The following ABCB4 variants were observed in gnomAD, a reference collection of about 807,000 sequenced individuals.
ABCB4 encodes phosphatidylcholine translocator ABCB4.
A neutral mutation model predicts 145.7 loss-of-function variants in ABCB4; 76 were observed. That is an observed-to-expected ratio of 0.52 (90% CI 0.43 to 0.63). The LOEUF (loss-of-function observed/expected upper bound fraction) is 0.63, where lower values mean the gene tolerates loss of function less well. Among genes scored for constraint, ABCB4 ranks in the 30% least tolerant of loss-of-function variants. The pLI is 0.00. For missense variants in ABCB4, 1,234 were observed against 1,553.1 expected (o/e 0.79, Z 3.45); for synonymous variants, 517 against 566.8 (o/e 0.91, Z 1.25).
chr7:87,367,170 C>A, the ABCB4 span, among the ~76,000 whole-genome samples: 1 of 152,162 alleles, frequency 6.6e-6, no homozygotes. Context: ...GGGACGTTAT[C>A]CTAGATTATT....
At chr7:87,457,156 C>T (rs1207639266) in intron 4 of ABCB4, among the ~76,000 whole-genome samples, 2 of 152,106 alleles carry the variant, frequency 1.3e-5, no homozygotes, top group African/African-American at 4.8e-5. Flanking sequence ...CGGTGGCTCA[C>T]ACCTATAATT....
intron 9 of ABCB4, 149 bp downstream of exon 9, chr7:87,446,885 T>A: frequency 2.9e-6 from 2 of 696,040 alleles, no homozygotes; most frequent in East Asian, 5.4e-5. Context: ...GAAAGTCAGC[T>A]CTGCCCACTG....
At chr7:87,398,367 G>T, downstream of ABCB4, 1 of 856,986 alleles carries the variant, frequency 1.2e-6, no homozygotes, top group Non-Finnish European at 1.9e-6. Context: ...CTACAGATAT[G>T]GCTTTACCTT....
chr7:87,401,312 G>A (rs1807771005), downstream of ABCB4, among the ~76,000 whole-genome samples: 1 of 152,202 alleles, frequency 6.6e-6, no homozygotes. Context: ...AAACATTTCA[G>A]TGTGGTTAGC....
chr7:87,419,383 T>C (rs1450823371), intron 19 of ABCB4, among the ~76,000 whole-genome samples: 1 of 152,202 alleles, frequency 6.6e-6, no homozygotes, highest in Non-Finnish European at 1.5e-5. Flanking sequence ...TAATTCATGT[T>C]TGCATATTTT....
intron 12 of ABCB4, among the ~76,000 whole-genome samples, chr7:87,442,091 A>G (rs1185604631): frequency 2.6e-5 from 4 of 152,110 alleles, no homozygotes; most frequent in Non-Finnish European, 4.4e-5. Flanking sequence ...TTCTGTTAAC[A>G]TATGCTTTCT....
the ABCB4 span, chr7:87,375,665 T>C: frequency 3.7e-6 from 6 of 1,613,516 alleles, no homozygotes; most frequent in South Asian, 2.2e-5. Flanking sequence ...AGTGCCATAG[T>C]GAACCTGATG....
intron 11 of ABCB4, 99 bp from the exon 12 acceptor site, chr7:87,443,543 A>C: frequency 6.4e-7 from 1 of 1,555,932 alleles, no homozygotes. Flanking sequence ...GTATCAAATA[A>C]GGGAATATAA....
chr7:87,367,006 A>T, the ABCB4 span, among the ~76,000 whole-genome samples: 3 of 152,294 alleles, frequency 2.0e-5, no homozygotes, highest in South Asian at 6.2e-4. Context: ...AACAGATATG[A>T]GCAATCTTCC....
chr7:87,408,780 G>A (rs556838984), intron 24 of ABCB4, among the ~76,000 whole-genome samples: 71 of 152,278 alleles, frequency 4.7e-4, no homozygotes, highest in African/African-American at 1.5e-3. Context: ...AGCATCTTGT[G>A]TCATACAAAG....
At chr7:87,466,335 G>A (rs967015796) in intron 3 of ABCB4, among the ~76,000 whole-genome samples, 1 of 152,124 alleles carries the variant, frequency 6.6e-6, no homozygotes, top group African/African-American at 2.4e-5. Context: ...GAAACAAGAA[G>A]AGGAGTTTAG....
At chr7:87,424,689 G>C (rs1044173830) in intron 16 of ABCB4, among the ~76,000 whole-genome samples, 2 of 152,014 alleles carry the variant, frequency 1.3e-5, no homozygotes, top group African/African-American at 2.4e-5. Flanking sequence ...TCATAGCTTA[G>C]CTTGTCTGTG....
chr7:87,471,743 T>C (rs952360374), intron 3 of ABCB4, among the ~76,000 whole-genome samples: 5 of 152,236 alleles, frequency 3.3e-5, no homozygotes, highest in Non-Finnish European at 5.9e-5. Flanking sequence ...GTAAGACATA[T>C]TTCAAATGAA....
chr7:87,464,167 G>C (rs1812693236), intron 3 of ABCB4, among the ~76,000 whole-genome samples: 1 of 152,154 alleles, frequency 6.6e-6, no homozygotes, highest in Non-Finnish European at 1.5e-5. Context: ...GGTCAGACTG[G>C]GTCAATAACC....
chr7:87,371,656 TCTC>T, the ABCB4 span, among the ~76,000 whole-genome samples: 2 of 152,098 alleles, frequency 1.3e-5, no homozygotes, highest in African/African-American at 4.8e-5. Flanking sequence ...GACACCCACT[TCTC>T]CTAATCATTG....
intron 19 of ABCB4, 50 bp from the exon 20 acceptor site, chr7:87,418,670 A>C (rs1335574431): frequency 1.3e-6 from 2 of 1,572,362 alleles, no homozygotes; most frequent in East Asian, 2.2e-5. Context: ...AAACAAGCAA[A>C]GAAAACCAGA....
intron 5 of ABCB4, 150 bp downstream of exon 5, chr7:87,454,385 C>A: frequency 1.6e-6 from 1 of 645,010 alleles, no homozygotes; most frequent in Non-Finnish European, 2.7e-6. Context: ...ATGTGTGCAT[C>A]TTACTTTAAA....
intron 4 of ABCB4, among the ~76,000 whole-genome samples, chr7:87,457,024 A>G (rs1252535133): frequency 1.3e-5 from 2 of 152,146 alleles, no homozygotes; most frequent in Non-Finnish European, 2.9e-5. Flanking sequence ...CTGTCTGTGC[A>G]TTAGAATTAC....
In ABCB4 at chr7:87,464,057, T is replaced by C. The variant is rs895164197; in HGVS notation, c.136-1149A>G. Among the ~76,000 whole-genome samples, 3 of 152,130 alleles carry C rather than the reference T, an allele frequency of 2.0e-5. No individual in the cohort carries two copies. In the South Asian group the frequency reaches 6.2e-4, roughly 31 times the overall value. Reference sequence around the variant, plus strand: ...CTTTTAAAATGCTTTACTCTGCCCATTCCCCCCACCTCAGCCCCTTTTGGG... The same window carrying C: ...CTTTTAAAATGCTTTACTCTGCCCACTCCCCCCACCTCAGCCCCTTTTGGG... On this transcript the variant is annotated intron_variant, in intron 3 of 27. Transcript: ENST00000649586.
Sources: gnomAD v4.1 joint callset for allele counts (sites outside exome capture counted in the v4.1 genomes callset) on GRCh38, gnomAD v4.1.1 for gene constraint, MANE v1.5 for transcripts, NCBI Gene and HGNC (gene_info 2026-07-23, HGNC 2026-07-21) for gene names.